Variants in ILDR2 observed in about 807,000 individuals in gnomAD.
The protein encoded by ILDR2 is immunoglobulin like domain containing receptor 2.
ILDR2 carries 25 observed loss-of-function variants against 66.8 expected under a neutral mutation model. The ratio of observed to expected loss-of-function variants is 0.37; its 90% confidence interval spans 0.27 to 0.52. ILDR2 has a LOEUF of 0.52. ILDR2 is among the 20% of genes least tolerant of loss of function. The pLI is 0.88. For synonymous variants in ILDR2, 367 were observed against 357.2 expected (o/e 1.03, Z -0.31); for missense variants, 827 against 876.8 (o/e 0.94, Z 0.72).
chr1:166,923,607 C>T (rs1336880700), intron 7 of ILDR2, among the ~76,000 whole-genome samples: 1 of 152,208 alleles, frequency 6.6e-6, no homozygotes, highest in East Asian at 1.9e-4. Context: ...TGTACTTATA[C>T]CTGTGGGCCT....
intron 7 of ILDR2, among the ~76,000 whole-genome samples, chr1:166,923,186 G>A (rs1355972781): frequency 2.0e-5 from 3 of 152,180 alleles, no homozygotes; most frequent in Non-Finnish European, 4.4e-5. Flanking sequence ...GATGAGCTGT[G>A]TTGATCCTAG....
rs1449384902 is a variant in ILDR2, at chr1:166,914,580, C to T, written c.*4775G>A. 5 of 152,164 alleles carry T rather than the reference C, an allele frequency of 3.3e-5. No individual in the cohort carries two copies. The highest frequency in any genetic ancestry group is 5.9e-5 in the Non-Finnish European group (4 of 68,024). The allele number at this position is 152,164 out of a possible 1,614,324, so 9.4% of individuals were successfully genotyped here. A position where few individuals can be genotyped will look rare whatever the true frequency, so the allele number is the denominator to read the frequency against. On this transcript the variant is annotated 3_prime_UTR_variant, in exon 10 of 10. Coordinates refer to ENST00000271417, the MANE Select transcript of ILDR2 (RefSeq NM_199351.3). ...AAACAGTAATATATCATAAAAATAA[C>T]ACAAATATTATTAGTATTAACCTTC...
At chr1:166,897,898 T>C (rs1016975258) in intron 2 of ILDR2, among the ~76,000 whole-genome samples, 1 of 152,216 alleles carries the variant, frequency 6.6e-6, no homozygotes, top group African/African-American at 2.4e-5. Flanking sequence ...GAAGTAATCA[T>C]GGGAAACTCC....
intron 6 of ILDR2, 145 bp from the exon 7 acceptor site, chr1:166,927,325 T>A: frequency 3.3e-6 from 2 of 606,144 alleles, no homozygotes; most frequent in South Asian, 4.2e-5. Context: ...TCTATATTTA[T>A]ACATATGGGA....
At chr1:166,899,287 G>C (rs1659222549) in intron 2 of ILDR2, among the ~76,000 whole-genome samples, 1 of 151,758 alleles carries the variant, frequency 6.6e-6, no homozygotes, top group Admixed American at 6.6e-5. Context: ...CAGCTACTTG[G>C]GAGGCTGAGA....
rs1662389005 is a variant in ILDR2 at position 166,958,091 on chromosome 1, T to C, written c.57A>G (p.Glu19=). 6.2e-7 allele frequency: 1 copy of C among 1,608,414 alleles called. No homozygotes were observed. The part of the protein sequence containing the change: ...ISLFWLTAMV[E]GLQVTVPDKK... ...TGTCGGGCACTGTGACCTGAAGGCC[T>C]TCGACCATGGCTGCAAAACAGAATA... is the stretch of plus-strand genomic sequence containing the variant. The change falls in exon 2 of 10, where the codon GAA becomes GAG. Residue 19 remains glutamate (E), a synonymous_variant. Coordinates refer to ENST00000271417, the MANE Select transcript of ILDR2 (RefSeq NM_199351.3).
At chr1:166,959,134 ACTT>A (rs1662459744) in intron 1 of ILDR2, among the ~76,000 whole-genome samples, 1 of 151,996 alleles carries the variant, frequency 6.6e-6, no homozygotes, top group Non-Finnish European at 1.5e-5. Flanking sequence ...CTTTTTCCTC[ACTT>A]CTTTGCTTGG....
At position 166,929,029 on chromosome 1, in the gene ILDR2, A is replaced by G. The variant is rs941593662; in HGVS notation, c.881-1849T>C. Among the ~76,000 whole-genome samples, 5 of 152,204 alleles carry G rather than the reference A, an allele frequency of 3.3e-5. No individual in the cohort carries two copies. In the South Asian group the frequency reaches 8.3e-4, roughly 25 times the overall value. On this transcript the variant is annotated intron_variant, in intron 6 of 9. Transcript: ENST00000271417. Reference sequence around the variant, plus strand: ...AATGCAATTATCCCACAGAACTGCTATGTCTGTTCTGGAGGCAGTTATGTC... The same window carrying G: ...AATGCAATTATCCCACAGAACTGCTGTGTCTGTTCTGGAGGCAGTTATGTC...
intron 2 of ILDR2, among the ~76,000 whole-genome samples, chr1:166,896,780 C>A (rs913939799): frequency 6.6e-6 from 1 of 151,848 alleles, no homozygotes; most frequent in Non-Finnish European, 1.5e-5. Flanking sequence ...GGATTACAGG[C>A]ACATGTCACC....
chr1:166,969,834 C>T (rs1157098213), intron 1 of ILDR2, among the ~76,000 whole-genome samples: 4 of 152,172 alleles, frequency 2.6e-5, no homozygotes, highest in Admixed American at 1.3e-4. Flanking sequence ...AAGGCAGTGA[C>T]ATTATTTCTT....
intron 1 of ILDR2, among the ~76,000 whole-genome samples, chr1:166,962,836 G>A (rs1399290929): frequency 1.3e-5 from 2 of 152,184 alleles, no homozygotes; most frequent in Non-Finnish European, 2.9e-5. Flanking sequence ...TTGAATTCCA[G>A]ATAAATTAAA....
At position 166,909,801 on chromosome 1, in the gene ILDR2, A is replaced by C. The variant is rs1278552496; in HGVS notation, c.*9554T>G. On this transcript the variant is annotated 3_prime_UTR_variant, in exon 10 of 10. Coordinates refer to ENST00000271417, the MANE Select transcript of ILDR2 (RefSeq NM_199351.3). ...TATATTTATATATATATATATATAT[A>C]TATATCCTTCTAGCTTTGCTCTACT... 1 of 128,690 alleles carries C rather than the reference A, an allele frequency of 7.8e-6. No homozygotes were observed. The highest frequency in any genetic ancestry group is 1.6e-5 in the Non-Finnish European group (1 of 61,466). 8.0% of individuals were successfully genotyped at this position (128,690 alleles called of 1,614,324 possible).
chr1:166,956,623 C>T, intron 3 of ILDR2, 110 bp downstream of exon 3: 7 of 1,177,070 alleles, frequency 5.9e-6, no homozygotes, highest in Non-Finnish European at 8.4e-6. Context: ...AAAGATAAGA[C>T]TGTGTATGCA....
Position 166,917,413 on chromosome 1 carries a change from C to T in ILDR2, c.*1942G>A, listed in dbSNP as rs2101839987. 1 of 152,276 alleles carries T rather than the reference C, an allele frequency of 6.6e-6. No individual in the cohort carries two copies. Among genetic ancestry groups the T allele is most frequent in the Non-Finnish European group, 1.5e-5 (1 of 68,026 alleles). 9.4% of individuals were successfully genotyped at this position (152,276 alleles called of 1,614,324 possible). A position where few individuals can be genotyped will look rare whatever the true frequency, so the allele number is the denominator to read the frequency against. On this transcript the variant is annotated 3_prime_UTR_variant, in exon 10 of 10. Coordinates refer to ENST00000271417, the MANE Select transcript of ILDR2 (RefSeq NM_199351.3). ...ATGGTACTTTGAGAATAGGGTCTAG[C>T]CCCAGTAGGGTGGCTCTGGAGAAGA...
chr1:166,968,642 C>T (rs558481438), intron 1 of ILDR2, among the ~76,000 whole-genome samples: 13 of 152,196 alleles, frequency 8.5e-5, no homozygotes, highest in African/African-American at 3.1e-4. Context: ...TAAGCTTGGC[C>T]ACATGACTTG....
rs1355120201 is a variant in ILDR2, at chr1:166,909,556, C to T, written c.*9799G>A. ...GGAATGAAACATAAGAGGCTATCGC[C>T]TTGGCCTGAGGGAATGAGAAAAGCT... On this transcript the variant is annotated 3_prime_UTR_variant, in exon 10 of 10. Coordinates refer to ENST00000271417, the MANE Select transcript of ILDR2 (RefSeq NM_199351.3). 6.6e-6 allele frequency: 1 copy of T among 151,580 alleles called. No individual in the cohort carries two copies. The highest frequency in any genetic ancestry group is 2.4e-5 in the African/African-American group (1 of 41,210). 9.4% of individuals were successfully genotyped at this position (151,580 alleles called of 1,614,324 possible). A position where few individuals can be genotyped will look rare whatever the true frequency, so the allele number is the denominator to read the frequency against.
At chr1:166,963,801 G>GT (rs1420276351) in intron 1 of ILDR2, among the ~76,000 whole-genome samples, 1 of 152,150 alleles carries the variant, frequency 6.6e-6, no homozygotes, top group African/African-American at 2.4e-5. Flanking sequence ...ATCAGGCCAT[G>GT]TAACTGAAGG....
chr1:166,947,656 C>G (rs1360782466), intron 3 of ILDR2, among the ~76,000 whole-genome samples: 5 of 152,162 alleles, frequency 3.3e-5, no homozygotes, highest in Non-Finnish European at 5.9e-5. Flanking sequence ...GCGCCTGCCC[C>G]CAGCCCCCGT....
Position 166,917,069 on chromosome 1 carries a change from T to A in ILDR2, c.*2286A>T, listed in dbSNP as rs1659671913. 6.6e-6 allele frequency: 1 copy of A among 152,228 alleles called. No homozygotes were observed. The allele number at this position is 152,228 out of a possible 1,614,324, so 9.4% of individuals were successfully genotyped here. ...ACTAAGAAATGTTTTTTATCATCTT[T>A]TCCATCTGAACTGGGGTCCAAACAG... On this transcript the variant is annotated 3_prime_UTR_variant, in exon 10 of 10. Coordinates refer to ENST00000271417, the MANE Select transcript of ILDR2 (RefSeq NM_199351.3).
Sources: allele counts gnomAD v4.1 joint callset (sites outside exome capture counted in the v4.1 genomes callset), GRCh38; gene constraint gnomAD v4.1.1; transcripts MANE v1.5; gene names NCBI Gene and HGNC (gene_info 2026-07-23, HGNC 2026-07-21).